SH3BGRL2: variants seen among roughly 807,000 people sequenced by gnomAD.
SH3BGRL2 encodes SH3 domain-binding glutamic acid-rich-like protein 2.
SH3BGRL2 carries 21 observed loss-of-function variants against 14.8 expected under a neutral mutation model. That is an observed-to-expected ratio of 1.42 (90% CI 1.01 to 2.05). The LOEUF is 2.05. Among genes scored for constraint, SH3BGRL2 ranks in the 30% most tolerant of loss-of-function variants. The pLI, the probability that SH3BGRL2 is intolerant of heterozygous loss-of-function variation, is 0.00. For synonymous variants in SH3BGRL2, 50 were observed against 47.8 expected (o/e 1.05, Z -0.19); for missense variants, 147 against 130.8 (o/e 1.12, Z -0.61).
chr6:79,545,317 G>A, the SH3BGRL2 span, among the ~76,000 whole-genome samples: 1 of 152,138 alleles, frequency 6.6e-6, no homozygotes, highest in Admixed American at 6.5e-5. Flanking sequence ...CCATGGTGAC[G>A]GATGAAAAAT....
At chr6:79,603,878 C>A in the SH3BGRL2 span, among the ~76,000 whole-genome samples, 1 of 152,126 alleles carries the variant, frequency 6.6e-6, no homozygotes, top group Non-Finnish European at 1.5e-5. Flanking sequence ...AATCTCAGCT[C>A]ACTGCAACCT....
At chr6:79,610,588 C>T in the SH3BGRL2 span, among the ~76,000 whole-genome samples, 1 of 152,128 alleles carries the variant, frequency 6.6e-6, no homozygotes, top group Non-Finnish European at 1.5e-5. Context: ...ATAAATCACC[C>T]TAGGGTTCAG....
chr6:79,654,270 G>A (rs1433339385), intron 1 of SH3BGRL2, among the ~76,000 whole-genome samples: 1 of 152,102 alleles, frequency 6.6e-6, no homozygotes, highest in Non-Finnish European at 1.5e-5. Flanking sequence ...AGAAGGAAAG[G>A]TAAGAATATT....
At chr6:79,659,748 A>G (rs186711767) in intron 1 of SH3BGRL2, among the ~76,000 whole-genome samples, 87 of 152,132 alleles carry the variant, frequency 5.7e-4, no homozygotes, top group Middle Eastern at 3.4e-3. Context: ...CATTTTCACG[A>G]TACTGATTCT....
At chr6:79,553,723 G>A in the SH3BGRL2 span, among the ~76,000 whole-genome samples, 2 of 152,110 alleles carry the variant, frequency 1.3e-5, no homozygotes, top group Non-Finnish European at 2.9e-5. Flanking sequence ...TGTAATCCTA[G>A]CACTTGGGGA....
Position 79,699,463 on chromosome 6 carries a change from CTTTTTTTTTTTTTTTTT to C in SH3BGRL2, c.313-21_313-5del, listed in dbSNP as rs35728679. On this transcript the variant is annotated intron_variant, in intron 3 of 3. Transcript: ENST00000369838. ...CTTGTCGATGTAATGCAATAACTGACTTTTTTTTTTTTTTTTTTTTTTTTTTTTTTATAGGCAGAACC... is the reference window on the plus strand; with the variant it reads ...CTTGTCGATGTAATGCAATAACTGACTTTTTTTTTTTTTATAGGCAGAACC... 9.7e-4 allele frequency: 857 copies of C among 881,054 alleles called. 11 individuals carry two copies. The African/African-American group carries it at 0.026, about 27-fold the overall frequency. The allele number at this position is 881,054 out of a possible 1,614,324, so 54.6% of individuals were successfully genotyped here.
At chr6:79,539,703 G>A in the SH3BGRL2 span, among the ~76,000 whole-genome samples, 1 of 152,090 alleles carries the variant, frequency 6.6e-6, no homozygotes, top group African/African-American at 2.4e-5. Context: ...TTTCCTTTGG[G>A]GAAACTAGTG....
At chr6:79,557,134 A>G in the SH3BGRL2 span, among the ~76,000 whole-genome samples, 1 of 151,938 alleles carries the variant, frequency 6.6e-6, no homozygotes, top group Non-Finnish European at 1.5e-5. Flanking sequence ...CATATGCACA[A>G]CTGTAGACTA....
chr6:79,540,265 T>C, the SH3BGRL2 span, among the ~76,000 whole-genome samples: 1 of 151,854 alleles, frequency 6.6e-6, no homozygotes, highest in Non-Finnish European at 1.5e-5. Context: ...AAACCCTGTC[T>C]CTAATAAAAA....
the SH3BGRL2 span, among the ~76,000 whole-genome samples, chr6:79,604,113 T>G: frequency 5.9e-5 from 9 of 152,136 alleles, no homozygotes; most frequent in Non-Finnish European, 1.2e-4. Context: ...CCTGACCACT[T>G]TTCAATGTCT....
intron 1 of SH3BGRL2, among the ~76,000 whole-genome samples, chr6:79,638,844 T>C (rs1053955995): frequency 6.6e-6 from 1 of 152,178 alleles, no homozygotes; most frequent in African/African-American, 2.4e-5. Context: ...AATATTAATC[T>C]CCTGTTGACA....
At chr6:79,686,597 T>C (rs1486588218) in intron 2 of SH3BGRL2, among the ~76,000 whole-genome samples, 2 of 152,212 alleles carry the variant, frequency 1.3e-5, no homozygotes, top group Non-Finnish European at 2.9e-5. Flanking sequence ...TGTTTCTTAT[T>C]ATTCCTTTAA....
At chr6:79,668,988 C>T (rs1235072223) in intron 1 of SH3BGRL2, among the ~76,000 whole-genome samples, 1 of 152,138 alleles carries the variant, frequency 6.6e-6, no homozygotes, top group African/African-American at 2.4e-5. Flanking sequence ...ATCCACTTTC[C>T]TGTTGGGCTA....
At chr6:79,613,981 G>A in the SH3BGRL2 span, among the ~76,000 whole-genome samples, 1 of 152,066 alleles carries the variant, frequency 6.6e-6, no homozygotes, top group African/African-American at 2.4e-5. Flanking sequence ...TGAGTTTGGG[G>A]CATTAAGTGG....
At chr6:79,578,198 T>C in the SH3BGRL2 span, among the ~76,000 whole-genome samples, 2 of 152,380 alleles carry the variant, frequency 1.3e-5, no homozygotes, top group African/African-American at 4.8e-5. Context: ...AGGGCATAGC[T>C]GAACAAAAGA....
rs193168141 is a variant in SH3BGRL2, at chr6:79,668,942, C to T, written c.46-4672C>T. On this transcript the variant is annotated intron_variant, in intron 1 of 3. Transcript: ENST00000369838. ...ATCCTAAGCACAATGCTTTTCAAAA[C>T]TGTGCTGCTTTGGGATTGAGAAATA... 1.6e-3 allele frequency among the ~76,000 whole-genome samples: 238 copies of T among 152,298 alleles called. 1 individual carries two copies. The highest frequency in any genetic ancestry group is 5.4e-3 in the African/African-American group (226 of 41,570).
intron 1 of SH3BGRL2, among the ~76,000 whole-genome samples, chr6:79,658,172 G>A (rs1382001025): frequency 6.6e-6 from 1 of 152,128 alleles, no homozygotes; most frequent in Non-Finnish European, 1.5e-5. Context: ...ATACTTTTAA[G>A]TTCTAGGGTA....
chr6:79,560,122 A>C, the SH3BGRL2 span, among the ~76,000 whole-genome samples: 1 of 152,162 alleles, frequency 6.6e-6, no homozygotes, highest in Non-Finnish European at 1.5e-5. Context: ...AGCATACACC[A>C]TTCTGGGAAA....
At chr6:79,692,538 G>A (rs1424334218) in intron 2 of SH3BGRL2, among the ~76,000 whole-genome samples, 1 of 152,140 alleles carries the variant, frequency 6.6e-6, no homozygotes, top group Non-Finnish European at 1.5e-5. Flanking sequence ...TTTGTATAAG[G>A]TGTAAGGAAG....
Sources: allele counts gnomAD v4.1 joint callset (sites outside exome capture counted in the v4.1 genomes callset), GRCh38; gene constraint gnomAD v4.1.1; transcripts MANE v1.5; gene names NCBI Gene and HGNC (gene_info 2026-07-23, HGNC 2026-07-21).